The following ARHGEF10 variants were observed in gnomAD, a reference collection of about 807,000 sequenced individuals.
ARHGEF10 encodes the protein Rho guanine nucleotide exchange factor (GEF) 10.
ARHGEF10 carries 140 observed loss-of-function variants against 147.4 expected under a neutral mutation model. The observed-to-expected ratio is 0.95, with a 90% CI of 0.83 to 1.09. The LOEUF (loss-of-function observed/expected upper bound fraction) is 1.09. ARHGEF10 is among the 50% of genes least tolerant of loss of function. The pLI, the probability that ARHGEF10 is intolerant of heterozygous loss-of-function variation, is 0.00. For synonymous variants in ARHGEF10, 902 were observed against 695.8 expected, an observed-to-expected ratio of 1.30 and a Z score of -4.67; for missense variants, 2,222 against 1,752.7, an observed-to-expected ratio of 1.27 and a Z score of -4.78.
At chr8:1,952,928 A>G in intron 28 of ARHGEF10, 101 bp downstream of exon 28, 10 of 1,509,682 alleles carry the variant, frequency 6.6e-6, no homozygotes, top group Non-Finnish European at 9.1e-6. Context: ...TCTTTAAACA[A>G]TTCATATTAT....
At chr8:1,926,231 C>T (rs906269400) in intron 22 of ARHGEF10, 146 bp from the exon 23 acceptor site, 4 of 731,986 alleles carry the variant, frequency 5.5e-6, no homozygotes, top group Non-Finnish European at 9.6e-6. Context: ...AACTTTCATC[C>T]TCCCTATTTT....
intron 13 of ARHGEF10, among the ~76,000 whole-genome samples, chr8:1,895,905 C>A (rs568117981): frequency 6.6e-6 from 1 of 152,178 alleles, no homozygotes; most frequent in Non-Finnish European, 1.5e-5. Context: ...CCCCCGCCCC[C>A]AGCCCCCATT....
At chr8:1,871,774 A>T (rs1284030375) in intron 7 of ARHGEF10, among the ~76,000 whole-genome samples, 1 of 152,104 alleles carries the variant, frequency 6.6e-6, no homozygotes, top group Non-Finnish European at 1.5e-5. Flanking sequence ...CCGAGGTTGC[A>T]CCACTACACT....
chr8:1,945,711 G>T, intron 27 of ARHGEF10, 56 bp downstream of exon 27: 1 of 1,607,998 alleles, frequency 6.2e-7, no homozygotes, highest in Non-Finnish European at 8.5e-7. Flanking sequence ...CGGACGTGGG[G>T]GGTGCGGAGC....
chr8:1,931,569 C>T (rs1020739328), intron 25 of ARHGEF10, among the ~76,000 whole-genome samples: 6 of 152,082 alleles, frequency 3.9e-5, no homozygotes, highest in South Asian at 2.1e-4. Context: ...GCGTGCGAGG[C>T]AGCCTGCGCA....
chr8:1,823,637 G>C (rs1411548876), upstream of ARHGEF10, among the ~76,000 whole-genome samples: 1 of 151,890 alleles, frequency 6.6e-6, no homozygotes, highest in East Asian at 2.0e-4. Context: ...GAGGGCACTC[G>C]GTCTGCCCAG....
At chr8:1,951,307 T>C (rs1815028163) in intron 27 of ARHGEF10, among the ~76,000 whole-genome samples, 1 of 152,224 alleles carries the variant, frequency 6.6e-6, no homozygotes, top group Non-Finnish European at 1.5e-5. Context: ...GCTGCCGTGT[T>C]TCTCATTAGC....
At chr8:1,897,464 G>A (rs1437069724) in intron 14 of ARHGEF10, among the ~76,000 whole-genome samples, 1 of 151,460 alleles carries the variant, frequency 6.6e-6, no homozygotes, top group Non-Finnish European at 1.5e-5. Context: ...ACAGTTGTGG[G>A]CTCTGTCCTA....
chr8:1,889,754 A>G (rs142038932), intron 11 of ARHGEF10, among the ~76,000 whole-genome samples: 31 of 44,358 alleles, frequency 7.0e-4, no homozygotes, highest in East Asian at 2.8e-3. Context: ...ATTGAGTGGG[A>G]TGAGGGTTGT....
At position 1,909,501 on chromosome 8, in the gene ARHGEF10, G is replaced by A. The variant is rs759615385; in HGVS notation, c.2143+31G>A. On this transcript the variant is annotated intron_variant, in intron 18 of 28. Transcript: ENST00000349830. Reference sequence around the variant, plus strand: ...TGATGCTTTCTCTCACGTTCGTGCCGTGGGGCCAGGGTAACTCTCACGTTC... The same window carrying A: ...TGATGCTTTCTCTCACGTTCGTGCCATGGGGCCAGGGTAACTCTCACGTTC... The A allele has an allele frequency of 1.6e-5, 26 of 1,611,918 alleles. No individual in the cohort carries two copies. The Admixed American group carries it at 1.7e-4, about 10-fold the overall frequency.
At chr8:1,851,345 G>A (rs535046287) in intron 2 of ARHGEF10, among the ~76,000 whole-genome samples, 2 of 148,534 alleles carry the variant, frequency 1.3e-5, no homozygotes, top group African/African-American at 5.1e-5. Context: ...CACGCACACC[G>A]TGGGCTTTAG....
intron 11 of ARHGEF10, among the ~76,000 whole-genome samples, chr8:1,891,551 C>G (rs1025284433): frequency 6.6e-6 from 1 of 152,122 alleles, no homozygotes; most frequent in South Asian, 2.1e-4. Flanking sequence ...TGGGCCAGGC[C>G]CAGGCACCAT....
intron 1 of ARHGEF10, among the ~76,000 whole-genome samples, chr8:1,841,880 TGGGGCCGCGGCGGGAA>T (rs1804079178): frequency 1.0e-5 from 1 of 100,158 alleles, no homozygotes. Flanking sequence ...CGGCGGGAAC[TGGGGCCGCGGCGGGAA>T]CTGGGGCCGC....
chr8:1,823,468 C>A (rs1802523192), upstream of ARHGEF10, among the ~76,000 whole-genome samples: 1 of 152,046 alleles, frequency 6.6e-6, no homozygotes, highest in Non-Finnish European at 1.5e-5. Context: ...GAGCGTCTGC[C>A]CGACGCCCCC....
intron 20 of ARHGEF10, 85 bp from the exon 21 acceptor site, chr8:1,923,689 C>G (rs1328096128): frequency 1.9e-6 from 3 of 1,613,226 alleles, no homozygotes; most frequent in African/African-American, 2.7e-5. Flanking sequence ...TTTGCTGATT[C>G]TATCAGACAG....
chr8:1,909,428 C>G lies in ARHGEF10; in HGVS notation c.2101C>G (p.His701Asp). ...CGAGCACAGCAGGCACCTTGCCGTT[C>G]ACCCGCCGGAGAGCCTGGCCGTGGT... is the stretch of plus-strand genomic sequence containing the variant. ...TGEHSRHLAV[H>D]PPESLAVVAN... Residue 701 changes from histidine (H) to aspartate (D), a missense_variant, in exon 18 of 29, where the codon CAC becomes GAC. His to Asp is a moderately conservative substitution (Grantham distance 81, BLOSUM62 -1). Transcript: ENST00000349830. The G allele has an allele frequency of 6.2e-7, 1 of 1,614,132 alleles. No homozygotes were observed. Among genetic ancestry groups the G allele is most frequent in the Non-Finnish European group, 8.5e-7 (1 of 1,180,040 alleles).
intron 25 of ARHGEF10, among the ~76,000 whole-genome samples, chr8:1,930,306 A>C (rs1813021761): frequency 6.7e-6 from 1 of 150,156 alleles, no homozygotes; most frequent in Non-Finnish European, 1.5e-5. Context: ...CAGGCCATCC[A>C]CCACTTGTTC....
intron 14 of ARHGEF10, among the ~76,000 whole-genome samples, chr8:1,897,785 C>A (rs1810125882): frequency 6.6e-6 from 1 of 152,186 alleles, no homozygotes; most frequent in Non-Finnish European, 1.5e-5. Flanking sequence ...GTGGCCGTGA[C>A]CGCAGTGCCC....
chr8:1,856,784 C>G (rs1263714701), intron 2 of ARHGEF10, among the ~76,000 whole-genome samples: 1 of 152,222 alleles, frequency 6.6e-6, no homozygotes, highest in Non-Finnish European at 1.5e-5. Context: ...GAGGTGCCAC[C>G]TGCTTCTGTG....
Sources: gnomAD v4.1 joint callset for allele counts (sites outside exome capture counted in the v4.1 genomes callset) on GRCh38, gnomAD v4.1.1 for gene constraint, MANE v1.5 for transcripts, NCBI Gene and HGNC (gene_info 2026-07-23, HGNC 2026-07-21) for gene names.